The following ACTR2 variants were observed in gnomAD, a reference collection of about 807,000 sequenced individuals.
The protein encoded by ACTR2 is actin-related protein 2.
ACTR2 carries 5 observed loss-of-function variants against 50.2 expected under a neutral mutation model. That is an observed-to-expected ratio of 0.10 (90% confidence interval 0.05 to 0.21). The LOEUF is 0.21. ACTR2 is among the 10% of genes least tolerant of loss of function. The pLI is 1.00. For synonymous variants in ACTR2, 140 were observed against 162.9 expected, an observed-to-expected ratio of 0.86 and a Z score of 1.07; for missense variants, 180 against 480.6, an observed-to-expected ratio of 0.37 and a Z score of 5.85.
At chr2:65,259,505 G>A (rs1672220843) in intron 6 of ACTR2, among the ~76,000 whole-genome samples, 1 of 152,092 alleles carries the variant, frequency 6.6e-6, no homozygotes, top group African/African-American at 2.4e-5. Context: ...AAGCCAGGCA[G>A]ATCACTTGAG....
chr2:65,228,965 A>G (rs1314454781), intron 1 of ACTR2, among the ~76,000 whole-genome samples: 1 of 152,128 alleles, frequency 6.6e-6, no homozygotes, highest in East Asian at 1.9e-4. Flanking sequence ...CTGTAATCCC[A>G]GCTACTTGGG....
At chr2:65,240,548 A>G (rs1558621783) in intron 2 of ACTR2, among the ~76,000 whole-genome samples, 1 of 152,308 alleles carries the variant, frequency 6.6e-6, no homozygotes, top group Non-Finnish European at 1.5e-5. Flanking sequence ...GAAAGTTTTC[A>G]TTGCCTACTC....
chr2:65,255,757 C>A, intron 6 of ACTR2, 63 bp downstream of exon 6: 1 of 1,441,524 alleles, frequency 6.9e-7, no homozygotes, highest in Non-Finnish European at 9.4e-7. Flanking sequence ...TTATTGGTGT[C>A]AGCTTAAGGA....
chr2:65,238,020 T>G (rs1023467605), intron 1 of ACTR2, among the ~76,000 whole-genome samples: 2 of 150,906 alleles, frequency 1.3e-5, no homozygotes, highest in African/African-American at 4.9e-5. Flanking sequence ...AATAAAAACT[T>G]ATTCGGGCCT....
intron 7 of ACTR2, among the ~76,000 whole-genome samples, chr2:65,262,253 G>A (rs1325811738): frequency 6.6e-6 from 1 of 151,956 alleles, no homozygotes; most frequent in East Asian, 1.9e-4. Context: ...TTTTTGAGAC[G>A]GAATGTCACT....
chr2:65,228,210 T>A (rs1035419076), intron 1 of ACTR2: 3 of 385,950 alleles, frequency 7.8e-6, no homozygotes, highest in Non-Finnish European at 4.6e-6. Context: ...GCACTGGACA[T>A]GGAGCCTACT....
At chr2:65,233,845 A>C (rs901648980) in intron 1 of ACTR2, among the ~76,000 whole-genome samples, 13 of 152,054 alleles carry the variant, frequency 8.5e-5, no homozygotes, top group African/African-American at 2.9e-4. Flanking sequence ...TCCTGACCTC[A>C]AATGATCCTC....
At chr2:65,238,388 G>A (rs975410669) in intron 1 of ACTR2, among the ~76,000 whole-genome samples, 3 of 152,090 alleles carry the variant, frequency 2.0e-5, no homozygotes, top group African/African-American at 7.2e-5. Context: ...GGCCAGGCGC[G>A]GTGGCTCACG....
At chr2:65,266,334 C>T (rs978648056) in intron 8 of ACTR2, among the ~76,000 whole-genome samples, 3 of 152,030 alleles carry the variant, frequency 2.0e-5, no homozygotes, top group African/African-American at 4.8e-5. Flanking sequence ...CTAAGTTGAG[C>T]GTGAGAGGAG....
intron 2 of ACTR2, among the ~76,000 whole-genome samples, chr2:65,242,298 T>A (rs1671853447): frequency 6.6e-6 from 1 of 152,208 alleles, no homozygotes; most frequent in Admixed American, 6.5e-5. Context: ...AACATAGTTT[T>A]GAATTGTTTT....
chr2:65,249,715 C>A (rs1672008155), intron 3 of ACTR2, among the ~76,000 whole-genome samples: 1 of 152,026 alleles, frequency 6.6e-6, no homozygotes, highest in Non-Finnish European at 1.5e-5. Flanking sequence ...AAAAATCATG[C>A]AGGATGTTCC....
chr2:65,227,865 T>TGGCTGTAGGTTGTGCGGCTGC lies in ACTR2; in HGVS notation c.-44_-24dup. 4.7e-6 allele frequency: 7 copies of TGGCTGTAGGTTGTGCGGCTGC among 1,490,856 alleles called. No homozygotes were observed. The South Asian group carries it at 7.6e-5, about 16-fold the overall frequency. The allele number at this position is 1,490,856 out of a possible 1,614,324, so 92.4% of individuals were successfully genotyped here. The stretch of plus-strand genomic sequence containing the variant: ...AGAAGAGAAAACGGCCGGGCGGCGG[T>TGGCTGTAGGTTGTGCGGCTGC]GGCTGTAGGTTGTGCGGCTGCAGCG... On this transcript the variant is annotated 5_prime_UTR_variant, in exon 1 of 9. Transcript: ENST00000260641.
intron 1 of ACTR2, among the ~76,000 whole-genome samples, chr2:65,237,904 CGT>C (rs1671769990): frequency 6.6e-6 from 1 of 152,080 alleles, no homozygotes; most frequent in African/African-American, 2.4e-5. Flanking sequence ...CACTTGAACC[CGT>C]GGGCGGGGGC....
At chr2:65,262,594 T>C (rs1672289747) in intron 7 of ACTR2, among the ~76,000 whole-genome samples, 4 of 152,252 alleles carry the variant, frequency 2.6e-5, no homozygotes, top group Admixed American at 2.6e-4. Flanking sequence ...TTGTATCGTT[T>C]ATCCTTTTCC....
chr2:65,228,094 C>T lies in ACTR2; in HGVS notation c.48+137C>T. The T allele has an allele frequency of 5.2e-6, 4 of 764,138 alleles. 1 individual carries two copies. Among genetic ancestry groups the T allele is most frequent in the African/African-American group, 1.8e-5 (1 of 54,104 alleles). The allele number at this position is 764,138 out of a possible 1,614,324, so 47.3% of individuals were successfully genotyped here. A position where few individuals can be genotyped will look rare whatever the true frequency, so the allele number is the denominator to read the frequency against. ...GGCGCGGGGCGGTGCCTCCCACCTC[C>T]GCGGGCGTGGGAGCGAGCCGGCCGT... is the stretch of plus-strand genomic sequence containing the variant. On this transcript the variant is annotated intron_variant, in intron 1 of 8. Transcript: ENST00000260641.
intron 2 of ACTR2, among the ~76,000 whole-genome samples, chr2:65,243,973 G>A (rs546566302): frequency 6.6e-6 from 1 of 152,056 alleles, no homozygotes; most frequent in East Asian, 1.9e-4. Context: ...TAAAATTTTC[G>A]ATATGAAAAT....
At chr2:65,242,669 A>G (rs1041995017) in intron 2 of ACTR2, 1 of 509,976 alleles carries the variant, frequency 2.0e-6, no homozygotes, top group Non-Finnish European at 3.9e-6. Flanking sequence ...TCTATAAACA[A>G]CAGATTTCCC....
chr2:65,237,660 G>A (rs776139670), intron 1 of ACTR2, among the ~76,000 whole-genome samples: 5 of 152,144 alleles, frequency 3.3e-5, no homozygotes, highest in Non-Finnish European at 5.9e-5. Context: ...AGACCAGCCC[G>A]TGCAACATAG....
chr2:65,239,164 T>C (rs1671795112), intron 1 of ACTR2, among the ~76,000 whole-genome samples: 3 of 151,990 alleles, frequency 2.0e-5, no homozygotes, highest in Admixed American at 6.6e-5. Flanking sequence ...CTAAAAATAC[T>C]TAGCATTTTG....
Sources: gnomAD v4.1 joint callset for allele counts (sites outside exome capture counted in the v4.1 genomes callset) on GRCh38, gnomAD v4.1.1 for gene constraint, MANE v1.5 for transcripts, NCBI Gene and HGNC (gene_info 2026-07-23, HGNC 2026-07-21) for gene names.